The following SLC35F3 variants were observed in gnomAD, a reference collection of about 807,000 sequenced individuals.
SLC35F3 encodes putative thiamine transporter SLC35F3.
A neutral mutation model predicts 49.9 loss-of-function variants in SLC35F3; 25 were observed. The ratio of observed to expected loss-of-function variants is 0.50; its 90% confidence interval spans 0.37 to 0.70. The LOEUF (loss-of-function observed/expected upper bound fraction) is 0.70, where lower values mean the gene tolerates loss of function less well. Among genes scored for constraint, SLC35F3 ranks in the 30% least tolerant of loss-of-function variants. The pLI is 0.00. For missense variants in SLC35F3, 525 were observed against 639.8 expected (o/e 0.82, Z 1.94); for synonymous variants, 275 against 265.4 (o/e 1.04, Z -0.35).
chr1:234,235,323 A>G (rs1158577253), intron 3 of SLC35F3, among the ~76,000 whole-genome samples: 2 of 152,216 alleles, frequency 1.3e-5, no homozygotes, highest in African/African-American at 4.8e-5. Context: ...GTTCTGAGGA[A>G]GCAATAGTGC....
At chr1:234,279,283 G>T (rs891423382) in intron 3 of SLC35F3, among the ~76,000 whole-genome samples, 1 of 152,122 alleles carries the variant, frequency 6.6e-6, no homozygotes, top group African/African-American at 2.4e-5. Context: ...GGGAGCAAGG[G>T]GTGACTGAAT....
At chr1:234,053,915 T>G (rs924374701) in intron 2 of SLC35F3, among the ~76,000 whole-genome samples, 6 of 152,134 alleles carry the variant, frequency 3.9e-5, no homozygotes, top group African/African-American at 7.2e-5. Context: ...TAGTTTGGCT[T>G]GATATGAAAT....
At chr1:234,230,400 C>A (rs182946565) in intron 2 of SLC35F3, among the ~76,000 whole-genome samples, 2,129 of 152,314 alleles carry the variant, frequency 0.014, 50 homozygotes, top group African/African-American at 0.049. Flanking sequence ...CTCATCTCCT[C>A]CCCTAGAGTG....
chr1:234,302,561 C>A lies in SLC35F3; in HGVS notation c.609-6540C>A, dbSNP rs114835604. ...GGCGGGTGAGAGGCTTGTTTTTGTACAGGGGTATGTTAAAGTTGGAAAAGC... is the reference window on the plus strand; with the variant it reads ...GGCGGGTGAGAGGCTTGTTTTTGTAAAGGGGTATGTTAAAGTTGGAAAAGC... On this transcript the variant is annotated intron_variant, in intron 3 of 7. Coordinates refer to ENST00000366618, the MANE Select transcript of SLC35F3 (RefSeq NM_173508.4). Among the ~76,000 whole-genome samples the A allele has an allele frequency of 3.8e-3, 581 of 152,122 alleles. 2 individuals carry two copies. The highest frequency in any genetic ancestry group is 0.014 in the African/African-American group (564 of 41,486).
intron 2 of SLC35F3, among the ~76,000 whole-genome samples, chr1:234,143,305 T>A (rs1445505481): frequency 6.7e-6 from 1 of 149,610 alleles, no homozygotes; most frequent in African/African-American, 2.5e-5. Flanking sequence ...TTTTTTTTTT[T>A]GAGATAAAGG....
chr1:234,073,964 T>A (rs1664759156), intron 2 of SLC35F3, among the ~76,000 whole-genome samples: 1 of 152,168 alleles, frequency 6.6e-6, no homozygotes, highest in Non-Finnish European at 1.5e-5. Flanking sequence ...TGTCCAAGCT[T>A]TAGTTTCTTT....
chr1:234,168,848 T>G (rs1180783195), intron 2 of SLC35F3, among the ~76,000 whole-genome samples: 1 of 152,164 alleles, frequency 6.6e-6, no homozygotes, highest in Non-Finnish European at 1.5e-5. Context: ...CAGCCCTGCC[T>G]ATTGGGAGCT....
Position 233,905,062 on chromosome 1 carries a change from C to A in SLC35F3, c.-16C>A. The stretch of plus-strand genomic sequence containing the variant: ...CCTCAAGTCTGGGAGCTGCCGGTCC[C>A]ACTCTGTCTTTGCCTATGGGGATTC... On this transcript the variant is annotated 5_prime_UTR_variant, in exon 1 of 8. Coordinates refer to ENST00000366618, the MANE Select transcript of SLC35F3 (RefSeq NM_173508.4). The A allele has an allele frequency of 6.4e-7, 1 of 1,557,514 alleles. No individual in the cohort carries two copies. The highest frequency in any genetic ancestry group is 2.4e-5 in the East Asian group (1 of 42,282).
chr1:234,158,125 T>C (rs1393449117), intron 2 of SLC35F3, among the ~76,000 whole-genome samples: 1 of 152,250 alleles, frequency 6.6e-6, no homozygotes, highest in African/African-American at 2.4e-5. Flanking sequence ...AACAAGATTC[T>C]TGTTTCTTGC....
At chr1:234,221,411 A>C (rs926643333) in intron 2 of SLC35F3, among the ~76,000 whole-genome samples, 1 of 152,210 alleles carries the variant, frequency 6.6e-6, no homozygotes. Context: ...AGCACAAGAC[A>C]GAGAAAGGGA....
At chr1:233,962,312 T>C (rs1662817771) in intron 2 of SLC35F3, among the ~76,000 whole-genome samples, 1 of 152,378 alleles carries the variant, frequency 6.6e-6, no homozygotes, top group East Asian at 1.9e-4. Flanking sequence ...ATAGTTGCAA[T>C]GTATATACTT....
At chr1:234,065,304 G>A (rs753864450) in intron 2 of SLC35F3, among the ~76,000 whole-genome samples, 24 of 152,038 alleles carry the variant, frequency 1.6e-4, no homozygotes, top group African/African-American at 4.6e-4. Context: ...GTGCCACCAC[G>A]CCCGGCTAAT....
chr1:234,176,479 C>G (rs988764086), intron 2 of SLC35F3, among the ~76,000 whole-genome samples: 1 of 152,188 alleles, frequency 6.6e-6, no homozygotes. Context: ...CCCAGAGCCC[C>G]CTCACCCATA....
intron 2 of SLC35F3, among the ~76,000 whole-genome samples, chr1:233,937,153 G>A (rs1662348709): frequency 6.6e-6 from 1 of 152,150 alleles, no homozygotes; most frequent in African/African-American, 2.4e-5. Flanking sequence ...TCATAGAAAG[G>A]GGAAAATCAA....
chr1:234,083,811 T>A (rs1473735047), intron 2 of SLC35F3, among the ~76,000 whole-genome samples: 1 of 150,292 alleles, frequency 6.7e-6, no homozygotes, highest in Non-Finnish European at 1.5e-5. Flanking sequence ...AGCTTTCTAG[T>A]ACAAACAACA....
intron 2 of SLC35F3, among the ~76,000 whole-genome samples, chr1:233,947,735 G>A (rs1436891137): frequency 6.7e-6 from 1 of 149,332 alleles, no homozygotes; most frequent in Non-Finnish European, 1.5e-5. Context: ...CATACTCCCT[G>A]GGACAGTAAG....
intron 3 of SLC35F3, among the ~76,000 whole-genome samples, chr1:234,263,621 C>T (rs1055277198): frequency 6.6e-6 from 1 of 152,170 alleles, no homozygotes; most frequent in Non-Finnish European, 1.5e-5. Flanking sequence ...GAAACAGAAA[C>T]TCTGGGGATG....
chr1:233,973,318 G>A (rs937830228), intron 2 of SLC35F3, among the ~76,000 whole-genome samples: 2 of 152,194 alleles, frequency 1.3e-5, no homozygotes, highest in Admixed American at 1.3e-4. Flanking sequence ...TACAAGGAGG[G>A]GAAGACAGAT....
At chr1:234,059,492 TG>T (rs1436806584) in intron 2 of SLC35F3, among the ~76,000 whole-genome samples, 1 of 152,184 alleles carries the variant, frequency 6.6e-6, no homozygotes, top group Admixed American at 6.5e-5. Context: ...TTCCCAAAAT[TG>T]TTTTTGTTAT....
Sources: allele counts gnomAD v4.1 joint callset (sites outside exome capture counted in the v4.1 genomes callset), GRCh38; gene constraint gnomAD v4.1.1; transcripts MANE v1.5; gene names NCBI Gene and HGNC (gene_info 2026-07-23, HGNC 2026-07-21).